Variants in KCNC1 observed in about 807,000 individuals in gnomAD.
KCNC1 encodes the protein voltage-gated potassium channel KCNC1.
Under a neutral mutation model 43.4 loss-of-function variants are expected in KCNC1, and 8 were observed. That is an observed-to-expected ratio of 0.18 (90% confidence interval 0.11 to 0.33). KCNC1 has a LOEUF of 0.33. KCNC1 is among the 10% of genes least tolerant of loss of function. The probability of loss-of-function intolerance (pLI) is 1.00; values close to 1 mark genes in which losing one functional copy is unlikely to be tolerated. For missense variants in KCNC1, 420 were observed against 836.0 expected (o/e 0.50, Z 6.14); for synonymous variants, 361 against 360.5 (o/e 1.00, Z -0.01).
intron 1 of KCNC1, among the ~76,000 whole-genome samples, chr11:17,741,914 T>C (rs1848847003): frequency 6.6e-6 from 1 of 152,224 alleles, no homozygotes; most frequent in Non-Finnish European, 1.5e-5. Flanking sequence ...CAGTGATGCC[T>C]TCCCGGGCCC....
intron 2 of KCNC1, chr11:17,774,828 C>T (rs1849267387): frequency 1.0e-6 from 1 of 985,380 alleles, no homozygotes; most frequent in Admixed American, 6.1e-5. Context: ...TTCCCAAGCA[C>T]TCACTTCCCG....
At position 17,771,384 on chromosome 11, in the gene KCNC1, C is replaced by G. The variant is rs769495439; in HGVS notation, c.571-281C>G. Among the ~76,000 whole-genome samples the G allele has an allele frequency of 2.6e-5, 4 of 152,190 alleles. No homozygotes were observed. The highest frequency in any genetic ancestry group is 4.4e-5 in the Non-Finnish European group (3 of 68,046). On this transcript the variant is annotated intron_variant, in intron 1 of 3. Coordinates refer to ENST00000265969, the MANE Select transcript of KCNC1 (RefSeq NM_001112741.2). The surrounding 1 kb of genome is among the most constrained non-coding windows in gnomAD (Gnocchi z 4.7). ...GGCTGATGTCTTTCTTTTCAGGGAC[C>G]CAGGCTCCTTCCCTCTGTAGTTATA...
intron 1 of KCNC1, among the ~76,000 whole-genome samples, chr11:17,757,037 C>A (rs768638268): frequency 6.6e-6 from 1 of 152,140 alleles, no homozygotes; most frequent in Non-Finnish European, 1.5e-5. Context: ...GGTAATGATG[C>A]CTCCTTCGGA....
intron 1 of KCNC1, among the ~76,000 whole-genome samples, chr11:17,748,194 G>A (rs1848923266): frequency 6.6e-6 from 1 of 152,126 alleles, no homozygotes; most frequent in South Asian, 2.1e-4. Context: ...CGGCAGGGAA[G>A]CGTCACTGTG....
chr11:17,744,554 T>C lies in KCNC1; in HGVS notation c.570+7982T>C, dbSNP rs536187255. Among the ~76,000 whole-genome samples, 557 of 152,270 alleles carry C rather than the reference T, an allele frequency of 3.7e-3. 4 individuals are homozygous for C. The highest frequency in any genetic ancestry group is 0.013 in the African/African-American group (530 of 41,562). On this transcript the variant is annotated intron_variant, in intron 1 of 3. Transcript: ENST00000265969. The stretch of plus-strand genomic sequence containing the variant: ...TCTTTTGGGGGTGCTTGCTCAGGCC[T>C]ATGGACAGCACCCATTGCCCGCTTC...
At chr11:17,780,555 A>G (rs1020549733) in intron 3 of KCNC1, 6 of 152,294 alleles carry the variant, frequency 3.9e-5, no homozygotes, top group African/African-American at 1.4e-4. Context: ...CAGCTCGTGC[A>G]TGTCTTGGAG....
At chr11:17,763,292 T>A (rs752773440) in intron 1 of KCNC1, among the ~76,000 whole-genome samples, 1 of 151,796 alleles carries the variant, frequency 6.6e-6, no homozygotes, top group Non-Finnish European at 1.5e-5. Flanking sequence ...CCTATCACCT[T>A]CCTCCAAGTC....
chr11:17,756,597 A>AAC (rs918929010), intron 1 of KCNC1, among the ~76,000 whole-genome samples: 1 of 151,226 alleles, frequency 6.6e-6, no homozygotes, highest in Non-Finnish European at 1.5e-5. Flanking sequence ...ACTCGATACA[A>AAC]ACACACAAGT....
chr11:17,743,494 G>A (rs757423237), intron 1 of KCNC1, among the ~76,000 whole-genome samples: 1 of 152,246 alleles, frequency 6.6e-6, no homozygotes, highest in Non-Finnish European at 1.5e-5. Context: ...CTAAGAGGGC[G>A]CTCTGTCAGT....
chr11:17,773,894 C>G lies in KCNC1; in HGVS notation c.1504+1296C>G. On this transcript the variant is annotated intron_variant, in intron 2 of 3. Transcript: ENST00000265969. This position sits in a 1 kb window ranked among gnomAD's most constrained non-coding sequence, Gnocchi z 4.1. ...ATGAAGGACCTCCCCATGCCCAGGT[C>G]TGGCAGGAGGCTGCTGGCTAGCTCA... The G allele has an allele frequency of 7.1e-6, 7 of 985,478 alleles. No homozygotes were observed. Among genetic ancestry groups the G allele is most frequent in the Non-Finnish European group, 8.4e-6 (7 of 829,962 alleles). 61.0% of individuals were successfully genotyped at this position (985,478 alleles called of 1,614,324 possible).
At chr11:17,738,497 C>G (rs1234368123) in intron 1 of KCNC1, among the ~76,000 whole-genome samples, 1 of 152,128 alleles carries the variant, frequency 6.6e-6, no homozygotes, top group African/African-American at 2.4e-5. Context: ...CTCCTGACTC[C>G]CAAGCAAGAG....
Position 17,781,317 on chromosome 11 carries a change from C to T in KCNC1, c.1694-353C>T, listed in dbSNP as rs1270695820. The T allele has an allele frequency of 2.5e-5, 6 of 239,378 alleles. No individual in the cohort carries two copies. Among genetic ancestry groups the T allele is most frequent in the Non-Finnish European group, 2.4e-5 (3 of 123,606 alleles). 14.8% of individuals were successfully genotyped at this position (239,378 alleles called of 1,614,324 possible). On this transcript the variant is annotated intron_variant, in intron 3 of 3. Transcript: ENST00000265969. This position sits in a 1 kb window ranked among gnomAD's most constrained non-coding sequence, Gnocchi z 5.1. ...CTTAGGTGCCAGAGTCTTTGGGAGG[C>T]GCTAAGGGTGAAGTGTCCCCACCTA...
chr11:17,756,698 CA>C (rs1420076553), intron 1 of KCNC1, among the ~76,000 whole-genome samples: 1 of 152,096 alleles, frequency 6.6e-6, no homozygotes, highest in Non-Finnish European at 1.5e-5. Context: ...TCTCATCTAC[CA>C]AATGGAAGCC....
At chr11:17,749,882 C>T (rs1479601584) in intron 1 of KCNC1, among the ~76,000 whole-genome samples, 22 of 152,248 alleles carry the variant, frequency 1.4e-4, no homozygotes, top group Admixed American at 1.4e-3. Context: ...TCACCAGCTT[C>T]TCAGCGGTGT....
intron 1 of KCNC1, among the ~76,000 whole-genome samples, chr11:17,763,637 C>CT: frequency 7.3e-5 from 1 of 13,788 alleles, no homozygotes; most frequent in South Asian, 3.0e-3. Flanking sequence ...CACACACACA[C>CT]ACCCCCACAC....
At position 17,777,059 on chromosome 11, in the gene KCNC1, T is replaced by A. The variant is rs1849295882; in HGVS notation, c.1505-2397T>A. 1.0e-6 allele frequency: 1 copy of A among 985,018 alleles called. No homozygotes were observed. 61.0% of individuals were successfully genotyped at this position (985,018 alleles called of 1,614,324 possible). On this transcript the variant is annotated intron_variant, in intron 2 of 3. Coordinates refer to ENST00000265969, the MANE Select transcript of KCNC1 (RefSeq NM_001112741.2). This position sits in a 1 kb window ranked among gnomAD's most constrained non-coding sequence, Gnocchi z 4.3. ...TGCCAGGCTATCATCCCTCCAGGGA[T>A]CCCTGATGGATGTTCCTTGTCCCCT... is the stretch of plus-strand genomic sequence containing the variant.
At chr11:17,750,687 G>A (rs574232019) in intron 1 of KCNC1, among the ~76,000 whole-genome samples, 13 of 152,226 alleles carry the variant, frequency 8.5e-5, no homozygotes, top group African/African-American at 3.1e-4. Flanking sequence ...AACGTGCTCC[G>A]GCTCCCTGCC....
At chr11:17,768,966 T>A (rs1490060439) in intron 1 of KCNC1, among the ~76,000 whole-genome samples, 1 of 152,230 alleles carries the variant, frequency 6.6e-6, no homozygotes, top group African/African-American at 2.4e-5. Flanking sequence ...TGGAGCTCAT[T>A]AAACTTGCAG....
At chr11:17,775,756 G>A (rs527302293) in intron 2 of KCNC1, 29 of 985,980 alleles carry the variant, frequency 2.9e-5, no homozygotes, top group Non-Finnish European at 3.5e-5. Flanking sequence ...ACGTCAGTGA[G>A]CAGTGGGTGG....
Sources: allele counts gnomAD v4.1 joint callset (sites outside exome capture counted in the v4.1 genomes callset), GRCh38; gene constraint gnomAD v4.1.1; non-coding constraint Gnocchi (gnomAD v3.1); transcripts MANE v1.5; gene names NCBI Gene and HGNC (gene_info 2026-07-23, HGNC 2026-07-21).